The following MAGI3 variants were observed in gnomAD, a reference collection of about 807,000 sequenced individuals.
MAGI3 encodes the protein membrane associated guanylate kinase, WW and PDZ domain containing 3.
A neutral mutation model predicts 121.8 loss-of-function variants in MAGI3; 43 were observed. The ratio of observed to expected loss-of-function variants is 0.35; its 90% confidence interval spans 0.28 to 0.46. The LOEUF is 0.46. Ranked by LOEUF, MAGI3 falls within the 20% of genes least tolerant of loss-of-function variation. The probability of loss-of-function intolerance (pLI) is 1.00; values close to 1 mark genes in which losing one functional copy is unlikely to be tolerated. For missense variants in MAGI3, 1,547 were observed against 1,797.3 expected (o/e 0.86, Z 2.52); for synonymous variants, 553 against 639.3 (o/e 0.86, Z 2.04).
chr1:113,487,520 TAATGGAACACTA>T (rs1656441514), intron 1 of MAGI3, among the ~76,000 whole-genome samples: 2 of 152,134 alleles, frequency 1.3e-5, no homozygotes, highest in African/African-American at 4.8e-5. Flanking sequence ...AGTGTTCCAG[TAATGGAACACTA>T]GGCATAAATG....
intron 1 of MAGI3, among the ~76,000 whole-genome samples, chr1:113,519,497 G>A (rs1194039578): frequency 6.6e-6 from 1 of 152,144 alleles, no homozygotes; most frequent in Non-Finnish European, 1.5e-5. Context: ...ATGGCATACT[G>A]TGTCAGAGGT....
intron 9 of MAGI3, among the ~76,000 whole-genome samples, chr1:113,627,987 C>G (rs879236618): frequency 6.6e-6 from 1 of 151,874 alleles, no homozygotes; most frequent in Non-Finnish European, 1.5e-5. Context: ...TTCTCTATGT[C>G]TTTTGATTGG....
At position 113,684,206 on chromosome 1, in the gene MAGI3, C is replaced by T. The variant is rs1403275507; in HGVS notation, c.*192C>T. On this transcript the variant is annotated 3_prime_UTR_variant, in exon 21 of 21. Coordinates refer to ENST00000307546, the MANE Select transcript of MAGI3 (RefSeq NM_001142782.2). ...ACCAACTGTCCCCCTGGCCGGCTGC[C>T]CTCCCTCGCTCTCAGGAAGGAGCTG... 3 of 541,342 alleles carry T rather than the reference C, an allele frequency of 5.5e-6. No individual in the cohort carries two copies. Among genetic ancestry groups the T allele is most frequent in the African/African-American group, 3.9e-5 (2 of 51,590 alleles). The allele number at this position is 541,342 out of a possible 1,614,324, so 33.5% of individuals were successfully genotyped here.
chr1:113,431,533 T>C lies in MAGI3; in HGVS notation c.316+40184T>C, dbSNP rs188727576. Among the ~76,000 whole-genome samples, 135 of 152,288 alleles carry C rather than the reference T, an allele frequency of 8.9e-4. 1 individual carries two copies. The Middle Eastern group carries it at 0.01, about 12-fold the overall frequency. On this transcript the variant is annotated intron_variant, in intron 1 of 20. Transcript: ENST00000307546. Reference sequence around the variant, plus strand: ...CTACAGAAAAATCAATAGTTTAGCATAGATGTTGGATATAAGGTAATGATT... The same window carrying C: ...CTACAGAAAAATCAATAGTTTAGCACAGATGTTGGATATAAGGTAATGATT...
At chr1:113,665,226 C>G (rs1447672938) in intron 16 of MAGI3, among the ~76,000 whole-genome samples, 1 of 152,108 alleles carries the variant, frequency 6.6e-6, no homozygotes, top group African/African-American at 2.4e-5. Context: ...GATTTCCCAA[C>G]ACCAGCTATT....
At chr1:113,571,291 T>A (rs575126019) in intron 2 of MAGI3, among the ~76,000 whole-genome samples, 1 of 152,352 alleles carries the variant, frequency 6.6e-6, no homozygotes, top group Non-Finnish European at 1.5e-5. Context: ...TTTTGGTTAC[T>A]TTACCCTTGT....
chr1:113,597,563 T>C (rs1649097925), intron 6 of MAGI3, among the ~76,000 whole-genome samples: 1 of 152,166 alleles, frequency 6.6e-6, no homozygotes, highest in South Asian at 2.1e-4. Flanking sequence ...GAAGAGGTGC[T>C]TATCATTAGT....
chr1:113,447,026 A>T (rs1271971978), intron 1 of MAGI3, among the ~76,000 whole-genome samples: 1 of 152,212 alleles, frequency 6.6e-6, no homozygotes, highest in Non-Finnish European at 1.5e-5. Context: ...TTAGTATTTA[A>T]TGGGTAAACA....
chr1:113,470,828 A>G (rs1272880031), intron 1 of MAGI3, among the ~76,000 whole-genome samples: 1 of 152,116 alleles, frequency 6.6e-6, no homozygotes, highest in Non-Finnish European at 1.5e-5. Flanking sequence ...TGAGTATAAT[A>G]CCCTCTAGGC....
rs2101044412 is a variant in MAGI3 at position 113,683,387 on chromosome 1, C to T, written c.3819C>T (p.Gly1273=). The change falls in exon 21 of 21, where the codon GGC becomes GGT. Residue 1273 remains glycine, a synonymous_variant. Transcript: ENST00000307546. The stretch of plus-strand genomic sequence containing the variant: ...GTTGTCAGGTCAGCACCAGGGCAGG[C>T]TCTGGACAAGATCAGTGCAGAAAAA... ...NKSCQVSTRA[G]SGQDQCRKSR... The T allele has an allele frequency of 6.2e-7, 1 of 1,614,018 alleles. No individual in the cohort carries two copies. Among genetic ancestry groups the T allele is most frequent in the East Asian group, 2.2e-5 (1 of 44,882 alleles).
chr1:113,564,410 G>A (rs1382153729), intron 2 of MAGI3, among the ~76,000 whole-genome samples: 1 of 152,198 alleles, frequency 6.6e-6, no homozygotes, highest in Non-Finnish European at 1.5e-5. Flanking sequence ...GAACACTGTA[G>A]TTTAGGATAG....
chr1:113,644,073 T>TTTTTAC (rs991920240), intron 11 of MAGI3, among the ~76,000 whole-genome samples: 4 of 152,146 alleles, frequency 2.6e-5, no homozygotes, highest in African/African-American at 9.7e-5. Flanking sequence ...CCTAGAGGTC[T>TTTTTAC]TTTTACTTTT....
intron 6 of MAGI3, among the ~76,000 whole-genome samples, chr1:113,603,011 CA>C (rs1277583267): frequency 6.6e-6 from 1 of 151,230 alleles, no homozygotes; most frequent in Non-Finnish European, 1.5e-5. Context: ...ATCAAAGAGA[CA>C]AAAAGCTGGT....
chr1:113,610,099 GC>G (rs1421252400), intron 6 of MAGI3, among the ~76,000 whole-genome samples: 1 of 151,990 alleles, frequency 6.6e-6, no homozygotes, highest in Non-Finnish European at 1.5e-5. Flanking sequence ...TTATCTTTAT[GC>G]CTAACAGCTT....
rs1449413613 is a variant in MAGI3 at position 113,422,057 on chromosome 1, T to C, written c.316+30708T>C. ...CATGCCCTGCCCATCTCTCTCTCTTTACCCTTTTACTGACTGTAAGGGAGT... is the reference window on the plus strand; with the variant it reads ...CATGCCCTGCCCATCTCTCTCTCTTCACCCTTTTACTGACTGTAAGGGAGT... On this transcript the variant is annotated intron_variant, in intron 1 of 20. Coordinates refer to ENST00000307546, the MANE Select transcript of MAGI3 (RefSeq NM_001142782.2). This position sits in a 1 kb window ranked among gnomAD's most constrained non-coding sequence, Gnocchi z 4.3. 2.0e-5 allele frequency among the ~76,000 whole-genome samples: 3 copies of C among 152,226 alleles called. No individual in the cohort carries two copies. Among genetic ancestry groups the C allele is most frequent in the African/African-American group, 7.2e-5 (3 of 41,464 alleles).
At chr1:113,453,418 C>G (rs1654583380) in intron 1 of MAGI3, among the ~76,000 whole-genome samples, 1 of 152,068 alleles carries the variant, frequency 6.6e-6, no homozygotes, top group South Asian at 2.1e-4. Context: ...TTGAGATTTA[C>G]CTTTCCAAAG....
At chr1:113,590,461 C>T (rs1358163911) in intron 4 of MAGI3, 23 bp from the exon 5 acceptor site, 1 of 1,611,388 alleles carries the variant, frequency 6.2e-7, no homozygotes, top group Non-Finnish European at 8.5e-7. Flanking sequence ...CTTTTCACAC[C>T]TTTCTGTTTT....
chr1:113,651,212 T>C lies in MAGI3; in HGVS notation c.2440+6T>C, dbSNP rs767039846. 1 of 1,598,202 alleles carries C rather than the reference T, an allele frequency of 6.3e-7. No homozygotes were observed. Among genetic ancestry groups the C allele is most frequent in the Non-Finnish European group, 8.5e-7 (1 of 1,174,260 alleles). On this transcript the variant is annotated splice_donor_region_variant and intron_variant, in intron 14 of 20. Transcript: ENST00000307546. ...ACGGAAGATCTTCTATGGAGGTGTGTGAACTTGTTCCTGCTCTGAAAAGTT... is the reference window on the plus strand; with the variant it reads ...ACGGAAGATCTTCTATGGAGGTGTGCGAACTTGTTCCTGCTCTGAAAAGTT...
intron 6 of MAGI3, among the ~76,000 whole-genome samples, chr1:113,605,602 G>T (rs942523101): frequency 6.6e-6 from 1 of 152,004 alleles, no homozygotes; most frequent in Non-Finnish European, 1.5e-5. Context: ...ACAAGCACTC[G>T]ATTTTTTTTT....
Sources: gnomAD v4.1 joint callset for allele counts (sites outside exome capture counted in the v4.1 genomes callset) on GRCh38, gnomAD v4.1.1 for gene constraint, Gnocchi (gnomAD v3.1) non-coding constraint, MANE v1.5 for transcripts, NCBI Gene and HGNC (gene_info 2026-07-23, HGNC 2026-07-21) for gene names.